ANGPTL2: variants seen among roughly 807,000 people sequenced by gnomAD.
The protein encoded by ANGPTL2 is angiopoietin-related protein 2.
Under a neutral mutation model 52.8 loss-of-function variants are expected in ANGPTL2, and 25 were observed. That is an observed-to-expected ratio of 0.47 (90% CI 0.35 to 0.66). The LOEUF is 0.66. ANGPTL2 is among the 30% of genes least tolerant of loss of function. The pLI is 0.01. For missense variants in ANGPTL2, 546 were observed against 656.9 expected (o/e 0.83, Z 1.84); for synonymous variants, 276 against 277.4 (o/e 1.00, Z 0.05).
chr9:127,088,703 T>C lies in ANGPTL2; in HGVS notation c.*236A>G, dbSNP rs2052068668. Reference sequence around the variant, plus strand: ...TTAAAGAAAGAGTTGTCTGTAGTCCTGTCCTGTCCTGGAGACATGAGGGGC... The same window carrying C: ...TTAAAGAAAGAGTTGTCTGTAGTCCCGTCCTGTCCTGGAGACATGAGGGGC... On this transcript the variant is annotated 3_prime_UTR_variant, in exon 5 of 5. Transcript: ENST00000373425. 1.7e-6 allele frequency: 1 copy of C among 574,498 alleles called. No individual in the cohort carries two copies. Among genetic ancestry groups the C allele is most frequent in the African/African-American group, 1.9e-5 (1 of 53,508 alleles). 35.6% of individuals were successfully genotyped at this position (574,498 alleles called of 1,614,324 possible).
Position 127,108,565 on chromosome 9 carries a change from T to C in ANGPTL2, c.167A>G (p.Tyr56Cys). The change falls in exon 2 of 5, where the codon TAC becomes TGC. Residue 56 changes from tyrosine (Y) to cysteine (C), a missense_variant. Tyr to Cys is a radical substitution (Grantham distance 194). This residue lies in a region of ANGPTL2 where 285 missense variants were observed against 295.8 expected (regional missense o/e 0.96). Coordinates refer to ENST00000373425, the MANE Select transcript of ANGPTL2 (RefSeq NM_012098.3). ...RAGESQDKCTYTFIVPQQRVT... is the reference protein window; with the variant it reads ...RAGESQDKCTCTFIVPQQRVT... ...CCGCTGCTGGGGCACAATGAAGGTGTAGGTGCACTTGTCCTGGGACTCGCC... is the reference window on the plus strand; with the variant it reads ...CCGCTGCTGGGGCACAATGAAGGTGCAGGTGCACTTGTCCTGGGACTCGCC... 4 of 1,613,544 alleles carry C rather than the reference T, an allele frequency of 2.5e-6. No individual in the cohort carries two copies. Among genetic ancestry groups the C allele is most frequent in the Non-Finnish European group, 3.4e-6 (4 of 1,179,864 alleles).
chr9:127,110,176 C>T (rs1482161997), intron 1 of ANGPTL2, among the ~76,000 whole-genome samples: 1 of 152,180 alleles, frequency 6.6e-6, no homozygotes, highest in African/African-American at 2.4e-5. Context: ...CTCTTGAGCC[C>T]ACCCTCATCA....
chr9:127,102,181 G>A (rs747694948), intron 2 of ANGPTL2, among the ~76,000 whole-genome samples: 26 of 152,250 alleles, frequency 1.7e-4, no homozygotes, highest in African/African-American at 5.8e-4. Flanking sequence ...TTACAAGACT[G>A]AACATAGTCC....
intron 4 of ANGPTL2, among the ~76,000 whole-genome samples, 176 bp from the exon 5 acceptor site, chr9:127,089,314 C>T (rs940248513): frequency 1.3e-5 from 2 of 152,220 alleles, no homozygotes; most frequent in Admixed American, 1.3e-4. Context: ...GCCTTTGAGG[C>T]TCAGCTTTGT....
chr9:127,114,423 T>C (rs777234474), intron 1 of ANGPTL2, among the ~76,000 whole-genome samples: 1 of 152,150 alleles, frequency 6.6e-6, no homozygotes, highest in Non-Finnish European at 1.5e-5. Context: ...ATACTGTGAA[T>C]AAAGAGAAAC....
intron 1 of ANGPTL2, among the ~76,000 whole-genome samples, chr9:127,117,396 C>T (rs1350151107): frequency 3.9e-5 from 6 of 152,192 alleles, no homozygotes; most frequent in African/African-American, 1.4e-4. Context: ...AATTCAAGAA[C>T]TTCATTTGTA....
At chr9:127,092,346 G>A (rs867589524) in intron 3 of ANGPTL2, among the ~76,000 whole-genome samples, 48 of 152,230 alleles carry the variant, frequency 3.2e-4, no homozygotes, top group Admixed American at 7.2e-4. Context: ...TGTGTGTGAG[G>A]GTCACGTGTA....
chr9:127,096,239 T>C (rs1281159), intron 2 of ANGPTL2, among the ~76,000 whole-genome samples: 72,860 of 152,134 alleles, frequency 0.48, 18,056 homozygotes, highest in Non-Finnish European at 0.53. Flanking sequence ...TGGTTGTGTT[T>C]AGCTGAAGCC....
At chr9:127,103,557 A>T (rs1267561955) in intron 2 of ANGPTL2, among the ~76,000 whole-genome samples, 1 of 152,016 alleles carries the variant, frequency 6.6e-6, no homozygotes, top group Non-Finnish European at 1.5e-5. Flanking sequence ...TAAAAATTAG[A>T]CTTCAGTTGG....
Position 127,088,760 on chromosome 9 carries a change from A to G in ANGPTL2, c.*179T>C. On this transcript the variant is annotated 3_prime_UTR_variant, in exon 5 of 5. Coordinates refer to ENST00000373425, the MANE Select transcript of ANGPTL2 (RefSeq NM_012098.3). ...GTGTGAAGGAAAGTAGGAGGGACAG[A>G]AAACACCGTATCGATTCAGTTCCAT... The G allele has an allele frequency of 1.4e-6, 1 of 701,962 alleles. No homozygotes were observed. The highest frequency in any genetic ancestry group is 2.7e-5 in the East Asian group (1 of 36,688). 43.5% of individuals were successfully genotyped at this position (701,962 alleles called of 1,614,324 possible).
chr9:127,118,599 G>A (rs951838446), intron 1 of ANGPTL2, among the ~76,000 whole-genome samples: 2 of 152,178 alleles, frequency 1.3e-5, no homozygotes, highest in African/African-American at 4.8e-5. Context: ...CTGACCCCCA[G>A]TTTCCACTTC....
chr9:127,097,461 C>G (rs953054650), intron 2 of ANGPTL2, among the ~76,000 whole-genome samples: 1 of 152,226 alleles, frequency 6.6e-6, no homozygotes, highest in Non-Finnish European at 1.5e-5. Flanking sequence ...ACACAATTTC[C>G]CTTAGAACCC....
intron 1 of ANGPTL2, among the ~76,000 whole-genome samples, chr9:127,119,206 A>G (rs1471639042): frequency 2.6e-5 from 4 of 152,198 alleles, no homozygotes; most frequent in Non-Finnish European, 5.9e-5. Context: ...AGGTACCCTC[A>G]TAACTGTGCT....
At chr9:127,092,501 T>C (rs1013936750) in intron 3 of ANGPTL2, among the ~76,000 whole-genome samples, 4 of 152,172 alleles carry the variant, frequency 2.6e-5, no homozygotes, top group Non-Finnish European at 4.4e-5. Flanking sequence ...TTACGGCCAC[T>C]AAAGTCTTGG....
At position 127,091,692 on chromosome 9, in the gene ANGPTL2, G is replaced by T; in HGVS notation, c.1260C>A (p.Asp420Glu). The T allele has an allele frequency of 6.2e-7, 1 of 1,613,856 alleles. No individual in the cohort carries two copies. The highest frequency in any genetic ancestry group is 8.5e-7 in the Non-Finnish European group (1 of 1,180,002). ...TACCTGTGTAGACATCATGATCTCT[G>T]TCCAGGGTGGTGAACTGCTTGCCGT... is the stretch of plus-strand genomic sequence containing the variant. ...WHNGKQFTTL[D>E]RDHDVYTGNC... Residue 420 changes from aspartate (D) to glutamate (E), a missense_variant, in exon 4 of 5, where the codon GAC becomes GAA. Asp to Glu is a conservative substitution (Grantham distance 45, BLOSUM62 2). Transcript: ENST00000373425. The surrounding 1 kb of genome is among the most constrained non-coding windows in gnomAD (Gnocchi z 4.3).
At chr9:127,109,945 C>G (rs995868989) in intron 1 of ANGPTL2, among the ~76,000 whole-genome samples, 10 of 152,230 alleles carry the variant, frequency 6.6e-5, no homozygotes, top group African/African-American at 2.4e-4. Flanking sequence ...GATCCCTTCT[C>G]TTGCCCACTC....
chr9:127,113,410 G>C (rs913486244), intron 1 of ANGPTL2, among the ~76,000 whole-genome samples: 4 of 151,584 alleles, frequency 2.6e-5, no homozygotes, highest in South Asian at 2.1e-4. Flanking sequence ...TTTTTTGCCA[G>C]TTTGGCGGCT....
chr9:127,088,837 G>T lies in ANGPTL2; in HGVS notation c.*102C>A. ...AGAATCCAGCATCCCGGTCCTCCCA[G>T]CCTCAGGATGAACTGGTGAGGAGTT... On this transcript the variant is annotated 3_prime_UTR_variant, in exon 5 of 5. Transcript: ENST00000373425. The T allele has an allele frequency of 7.4e-7, 1 of 1,360,048 alleles. No homozygotes were observed. The highest frequency in any genetic ancestry group is 1.0e-6 in the Non-Finnish European group (1 of 964,230). The allele number at this position is 1,360,048 out of a possible 1,614,324, so 84.2% of individuals were successfully genotyped here. A position where few individuals can be genotyped will look rare whatever the true frequency, so the allele number is the denominator to read the frequency against.
intron 2 of ANGPTL2, among the ~76,000 whole-genome samples, chr9:127,106,013 G>A (rs554967561): frequency 3.9e-5 from 6 of 152,344 alleles, no homozygotes; most frequent in African/African-American, 1.2e-4. Context: ...GCTCAGAAGA[G>A]TTAAATAACT....
Sources: gnomAD v4.1 joint callset for allele counts (sites outside exome capture counted in the v4.1 genomes callset) on GRCh38, gnomAD v4.1.1 for gene constraint, gnomAD v4.1.1 regional missense constraint, Gnocchi (gnomAD v3.1) non-coding constraint, MANE v1.5 for transcripts, NCBI Gene and HGNC (gene_info 2026-07-23, HGNC 2026-07-21) for gene names.